Variants in MAPKBP1 observed in about 807,000 individuals in gnomAD.
The protein encoded by MAPKBP1 is mitogen-activated protein kinase binding protein 1, also known as mitogen-activated protein kinase-binding protein 1.
A neutral mutation model predicts 170.5 loss-of-function variants in MAPKBP1; 71 were observed. The ratio of observed to expected loss-of-function variants is 0.42; its 90% CI spans 0.34 to 0.51. The LOEUF (loss-of-function observed/expected upper bound fraction) is 0.51. Among genes scored for constraint, MAPKBP1 ranks in the 20% least tolerant of loss-of-function variants. The pLI, the probability that MAPKBP1 is intolerant of heterozygous loss-of-function variation, is 0.06. For missense variants in MAPKBP1, 1,598 were observed against 1,933.0 expected, an observed-to-expected ratio of 0.83 and a Z score of 3.25; for synonymous variants, 719 against 757.9, an observed-to-expected ratio of 0.95 and a Z score of 0.84.
At position 41,815,689 on chromosome 15, in the gene MAPKBP1, A is replaced by C. The variant is rs1293361924; in HGVS notation, c.1383A>C (p.Gly461=). The change falls in exon 12 of 31, where the codon GGA becomes GGC. Residue 461 remains glycine (G), a synonymous_variant. Coordinates refer to ENST00000457542, the MANE Select transcript of MAPKBP1 (RefSeq NM_014994.3). Reference sequence around the variant, plus strand: ...CCCTGCTGGACACAGAGCTGCCTGGAGGAGACAAAGCTGATGCATCCCTGT... The same window carrying C: ...CCCTGCTGGACACAGAGCTGCCTGGCGGAGACAAAGCTGATGCATCCCTGT... ...TQALLDTELP[G]GDKADASLLD... is the part of the protein sequence containing the mutation. 6.2e-7 allele frequency: 1 copy of C among 1,614,152 alleles called. No individual in the cohort carries two copies.
intron 2 of MAPKBP1, among the ~76,000 whole-genome samples, chr15:41,788,337 C>G (rs182705314): frequency 2.0e-5 from 3 of 152,274 alleles, no homozygotes; most frequent in Admixed American, 2.0e-4. Context: ...GTGCCCTGTG[C>G]TATAAGCATA....
chr15:41,814,461 G>T, intron 9 of MAPKBP1, 89 bp from the exon 10 acceptor site: 1 of 1,300,926 alleles, frequency 7.7e-7, no homozygotes, highest in Non-Finnish European at 1.1e-6. Flanking sequence ...TCCAGGGAGG[G>T]CTCCTCACAC....
intron 2 of MAPKBP1, among the ~76,000 whole-genome samples, chr15:41,782,693 T>G (rs1320826888): frequency 6.6e-6 from 1 of 152,094 alleles, no homozygotes; most frequent in Non-Finnish European, 1.5e-5. Flanking sequence ...AGCCTTCATG[T>G]GCACAGCATG....
At chr15:41,806,988 C>A (rs961222088) in intron 3 of MAPKBP1, among the ~76,000 whole-genome samples, 3 of 152,172 alleles carry the variant, frequency 2.0e-5, no homozygotes, top group Non-Finnish European at 1.5e-5. Context: ...TGTGTAGCTG[C>A]GACCGTGGTT....
intron 2 of MAPKBP1, among the ~76,000 whole-genome samples, chr15:41,794,487 C>T (rs1338725805): frequency 2.0e-5 from 3 of 152,124 alleles, no homozygotes; most frequent in Non-Finnish European, 4.4e-5. Context: ...TGTGTGCCTA[C>T]CATCAGCTTA....
Position 41,815,385 on chromosome 15 carries a change from C to A in MAPKBP1, c.1297C>A (p.His433Asn), listed in dbSNP as rs768249761. Residue 433 changes from histidine to asparagine, a missense_variant, in exon 11 of 31, where the codon CAC (histidine) becomes AAC (asparagine). His to Asn is a moderately conservative substitution (Grantham distance 68, BLOSUM62 1). This residue lies in a region of MAPKBP1 where 430 missense variants were observed against 617.2 expected (regional missense o/e 0.70). Coordinates refer to ENST00000457542, the MANE Select transcript of MAPKBP1 (RefSeq NM_014994.3). ...CTCCGGGGTGCATGGCTCCACCCTC[C>A]ACCGAAACATCCTCAGCAGTGTGAG... is the stretch of plus-strand genomic sequence containing the variant. The part of the protein sequence containing the change: ...ESSGVHGSTL[H>N]RNILSSDLIK... 1.2e-6 allele frequency: 2 copies of A among 1,614,106 alleles called. No individual in the cohort carries two copies. The highest frequency in any genetic ancestry group is 2.7e-5 in the African/African-American group (2 of 74,934).
intron 22 of MAPKBP1, among the ~76,000 whole-genome samples, chr15:41,820,498 C>G (rs1178219417): frequency 6.6e-6 from 1 of 152,088 alleles, no homozygotes; most frequent in Non-Finnish European, 1.5e-5. Context: ...ACCCCCAGCT[C>G]TGAGGCATCC....
intron 2 of MAPKBP1, among the ~76,000 whole-genome samples, chr15:41,780,664 A>G (rs1190162248): frequency 6.6e-6 from 1 of 152,044 alleles, no homozygotes; most frequent in East Asian, 1.9e-4. Context: ...CTTCCTTTTC[A>G]TAGCAATTCT....
chr15:41,824,380 G>C (rs1156771084), intron 29 of MAPKBP1, 104 bp from the exon 30 acceptor site: 4 of 1,059,466 alleles, frequency 3.8e-6, no homozygotes, highest in Non-Finnish European at 1.4e-6. Context: ...CAAGTGGGGG[G>C]TGCAATGCTG....
In MAPKBP1 at chr15:41,823,746, G is replaced by A. The variant is rs2065043137; in HGVS notation, c.3898G>A (p.Asp1300Asn). 1 of 1,613,994 alleles carries A rather than the reference G, an allele frequency of 6.2e-7. No individual in the cohort carries two copies. The highest frequency in any genetic ancestry group is 8.5e-7 in the Non-Finnish European group (1 of 1,180,030). Residue 1300 changes from aspartate (D) to asparagine (N), a missense_variant, in exon 29 of 31, where the codon GAC (aspartate) becomes AAC (asparagine). By Grantham distance (23) the Asp-to-Asn change is conservative (BLOSUM62 1). Around this residue, in one of 6 missense-constraint regions of MAPKBP1, gnomAD observed 942 missense variants for 953.2 expected, o/e 0.99. Coordinates refer to ENST00000457542, the MANE Select transcript of MAPKBP1 (RefSeq NM_014994.3). ...CCTGGACATCCCCAAACCACTGCCT[G>A]ACCGTCCTACCCTGGCTGCATTCTC... ...LVLDIPKPLPDRPTLAAFSPV... is the reference protein window; with the variant it reads ...LVLDIPKPLPNRPTLAAFSPV...
In MAPKBP1 at chr15:41,774,611, G is replaced by T. The variant is rs1356051339; in HGVS notation, c.-110+1G>T. The T allele has an allele frequency of 1.8e-5, 7 of 398,600 alleles. No homozygotes were observed. In the Admixed American group the frequency reaches 2.2e-4, roughly 13 times the overall value. 24.7% of individuals were successfully genotyped at this position (398,600 alleles called of 1,614,324 possible). ...GGGTGGCCTTAGCTCGCCGAGGCTG[G>T]TGAGGCTGGGCCCGAACGGGGGCGC... On this transcript the variant is annotated splice_donor_variant, in intron 1 of 30. Transcript: ENST00000457542. LOFTEE classifies it low-confidence loss of function (5UTR_SPLICE).
At chr15:41,812,786 A>C (rs1272570452) in intron 7 of MAPKBP1, 133 bp downstream of exon 7, 1 of 1,448,356 alleles carries the variant, frequency 6.9e-7, no homozygotes, top group East Asian at 2.3e-5. Context: ...GATGAGCCAG[A>C]TGCTGTCTGG....
intron 6 of MAPKBP1, 150 bp from the exon 7 acceptor site, chr15:41,812,366 T>C: frequency 8.2e-7 from 1 of 1,224,728 alleles, no homozygotes; most frequent in South Asian, 1.3e-5. Context: ...TAGAAAGGGA[T>C]TATTTCCCTA....
intron 2 of MAPKBP1, among the ~76,000 whole-genome samples, chr15:41,786,250 T>C (rs1459804137): frequency 6.6e-6 from 1 of 152,170 alleles, no homozygotes; most frequent in Admixed American, 6.5e-5. Flanking sequence ...CAGGGAGGGA[T>C]AGTAGATTAT....
rs1180590172 is a variant in MAPKBP1, at chr15:41,786,777, AATATATAT to A, written c.114+11408_114+11415del. Among the ~76,000 whole-genome samples, 85 of 32,452 alleles carry A rather than the reference AATATATAT, an allele frequency of 2.6e-3. 11 individuals carry two copies. The highest frequency in any genetic ancestry group is 0.017 in the South Asian group (17 of 1,004). 21.3% of individuals were successfully genotyped at this position (32,452 alleles called of 152,430 possible). A position where few individuals can be genotyped will look rare whatever the true frequency, so the allele number is the denominator to read the frequency against. On this transcript the variant is annotated intron_variant, in intron 2 of 30. Coordinates refer to ENST00000457542, the MANE Select transcript of MAPKBP1 (RefSeq NM_014994.3). ...CAGACTCCGTCTAAAAAAAAAAAAA[AATATATAT>A]ATATATATATATATATATAGGTATA...
In MAPKBP1 at chr15:41,818,117, T is replaced by G; in HGVS notation, c.1980+33T>G. ...CCCAGAGGGGGTACTGGACAGGGGCTCGGGGACAGAGTGGTGCTGGGTGGG... is the reference window on the plus strand; with the variant it reads ...CCCAGAGGGGGTACTGGACAGGGGCGCGGGGACAGAGTGGTGCTGGGTGGG... On this transcript the variant is annotated intron_variant, in intron 17 of 30. Coordinates refer to ENST00000457542, the MANE Select transcript of MAPKBP1 (RefSeq NM_014994.3). This position sits in a 1 kb window ranked among gnomAD's most constrained non-coding sequence, Gnocchi z 5.2. The G allele has an allele frequency of 6.2e-7, 1 of 1,612,280 alleles. No homozygotes were observed. The highest frequency in any genetic ancestry group is 8.5e-7 in the Non-Finnish European group (1 of 1,178,396).
Position 41,786,777 on chromosome 15 carries a change from A to AAAAAATATATATATATAT in MAPKBP1, c.114+11389_114+11390insAAAATATATATATATATA. On this transcript the variant is annotated intron_variant, in intron 2 of 30. Coordinates refer to ENST00000457542, the MANE Select transcript of MAPKBP1 (RefSeq NM_014994.3). ...CAGACTCCGTCTAAAAAAAAAAAAA[A>AAAAAATATATATATATAT]ATATATATATATATATATATATATA... 7.0e-3 allele frequency among the ~76,000 whole-genome samples: 226 copies of AAAAAATATATATATATAT among 32,142 alleles called. 4 individuals carry two copies. Among genetic ancestry groups the AAAAAATATATATATATAT allele is most frequent in the Admixed American group, 0.028 (69 of 2,482 alleles). The allele number at this position is 32,142 out of a possible 152,430, so 21.1% of individuals were successfully genotyped here.
intron 2 of MAPKBP1, among the ~76,000 whole-genome samples, chr15:41,787,069 C>T (rs2064311252): frequency 6.6e-6 from 1 of 150,870 alleles, no homozygotes; most frequent in Non-Finnish European, 1.5e-5. Flanking sequence ...GGTGATCCAT[C>T]TGCCTAGGCC....
In MAPKBP1 at chr15:41,817,508, C is replaced by A. The variant is rs111658566; in HGVS notation, c.1782+50C>A. 6.7e-5 allele frequency: 108 copies of A among 1,613,608 alleles called. 2 individuals carry two copies. In the African/African-American group the frequency reaches 1.0e-3, roughly 15 times the overall value. ...AGGGGCGGGACAGGGCGGGGTCTGC[C>A]ATTCCCTGCCTAAGGTTACAAGAGG... On this transcript the variant is annotated intron_variant, in intron 15 of 30. Coordinates refer to ENST00000457542, the MANE Select transcript of MAPKBP1 (RefSeq NM_014994.3). The surrounding 1 kb of genome is among the most constrained non-coding windows in gnomAD (Gnocchi z 4.2).
Sources: allele counts gnomAD v4.1 joint callset (sites outside exome capture counted in the v4.1 genomes callset), GRCh38; gene constraint gnomAD v4.1.1; regional missense constraint gnomAD v4.1.1; non-coding constraint Gnocchi (gnomAD v3.1); transcripts MANE v1.5; gene names NCBI Gene and HGNC (gene_info 2026-07-23, HGNC 2026-07-21).